The following RASA1 variants were observed in gnomAD, a reference collection of about 807,000 sequenced individuals.
The protein encoded by RASA1 is RAS p21 protein activator 1, also known as ras GTPase-activating protein 1.
A neutral mutation model predicts 132.2 loss-of-function variants in RASA1; 25 were observed. That is an observed-to-expected ratio of 0.19 (90% CI 0.14 to 0.26). The LOEUF is 0.26. Ranked by LOEUF, RASA1 falls within the 10% of genes least tolerant of loss-of-function variation. The pLI is 1.00. For missense variants in RASA1, 964 were observed against 1,299.2 expected (o/e 0.74, Z 3.97); for synonymous variants, 477 against 449.9 (o/e 1.06, Z -0.76).
intron 1 of RASA1, among the ~76,000 whole-genome samples, chr5:87,295,020 A>C (rs1264504112): frequency 1.3e-5 from 2 of 151,778 alleles, no homozygotes; most frequent in Non-Finnish European, 2.9e-5. Context: ...TTTACTCTTC[A>C]TTGTTAGGCA....
chr5:87,382,405 T>C (rs946559505), intron 20 of RASA1, among the ~76,000 whole-genome samples: 3 of 152,246 alleles, frequency 2.0e-5, no homozygotes, highest in Non-Finnish European at 2.9e-5. Flanking sequence ...TATTAATCTA[T>C]AGAAGGAATT....
chr5:87,276,953 C>T (rs1754085397), intron 1 of RASA1, among the ~76,000 whole-genome samples: 3 of 152,010 alleles, frequency 2.0e-5, no homozygotes, highest in East Asian at 1.9e-4. Context: ...GGACAGAATC[C>T]GATTCTCATA....
chr5:87,334,672 C>T (rs1479906915), intron 4 of RASA1, among the ~76,000 whole-genome samples: 1 of 152,144 alleles, frequency 6.6e-6, no homozygotes, highest in Non-Finnish European at 1.5e-5. Flanking sequence ...CAAAAGTGTA[C>T]TGTATTCTTC....
At chr5:87,349,393 A>T (rs1217906560) in intron 8 of RASA1, 29 bp downstream of exon 8, 2 of 1,607,526 alleles carry the variant, frequency 1.2e-6, no homozygotes, top group African/African-American at 2.7e-5. Context: ...GCTATCTTTT[A>T]CTTTTCGCAA....
intron 1 of RASA1, among the ~76,000 whole-genome samples, chr5:87,313,656 CAG>C (rs959526158): frequency 1.3e-5 from 2 of 151,964 alleles, no homozygotes; most frequent in African/African-American, 2.4e-5. Flanking sequence ...ATGGAGAAAA[CAG>C]ATATGAAAAT....
intron 12 of RASA1, among the ~76,000 whole-genome samples, chr5:87,371,352 A>G (rs1760926149): frequency 6.6e-6 from 1 of 152,114 alleles, no homozygotes; most frequent in South Asian, 2.1e-4. Context: ...AGATATTAAT[A>G]AAGTTCAGCT....
chr5:87,369,450 TG>T (rs1456712688), intron 11 of RASA1, among the ~76,000 whole-genome samples: 2 of 152,296 alleles, frequency 1.3e-5, no homozygotes, highest in African/African-American at 4.8e-5. Flanking sequence ...AGAACATTTT[TG>T]GTCTAAGAAC....
intron 1 of RASA1, among the ~76,000 whole-genome samples, chr5:87,282,747 G>T (rs189681331): frequency 1.3e-5 from 2 of 152,022 alleles, no homozygotes; most frequent in East Asian, 3.9e-4. Flanking sequence ...TTTTCTTCCT[G>T]TTGTTCAGAT....
At chr5:87,280,658 G>A (rs544918126) in intron 1 of RASA1, among the ~76,000 whole-genome samples, 1 of 152,150 alleles carries the variant, frequency 6.6e-6, no homozygotes, top group Admixed American at 6.5e-5. Flanking sequence ...ACCTTCTTTG[G>A]TGAAATGTCT....
Position 87,380,491 on chromosome 5 carries a change from A to AT in RASA1, c.2604-16dup. Reference sequence around the variant, plus strand: ...TTCACTTGCTTTCTGTGTTGAGATGATTGTGTTATTTTGGCAGGACATTGA... The same window carrying AT: ...TTCACTTGCTTTCTGTGTTGAGATGATTTGTGTTATTTTGGCAGGACATTGA... On this transcript the variant is annotated splice_polypyrimidine_tract_variant and intron_variant, in intron 19 of 24. Coordinates refer to ENST00000274376, the MANE Select transcript of RASA1 (RefSeq NM_002890.3). The AT allele has an allele frequency of 6.3e-7, 1 of 1,593,198 alleles. No homozygotes were observed. The highest frequency in any genetic ancestry group is 2.2e-5 in the East Asian group (1 of 44,668).
chr5:87,321,253 T>G (rs942064696), intron 1 of RASA1, among the ~76,000 whole-genome samples: 5 of 152,200 alleles, frequency 3.3e-5, no homozygotes, highest in African/African-American at 4.8e-5. Flanking sequence ...TCCTCTGCTC[T>G]TACACCACAA....
At chr5:87,378,612 C>T (rs1028949094) in intron 18 of RASA1, 74 bp downstream of exon 18, 2 of 1,398,806 alleles carry the variant, frequency 1.4e-6, no homozygotes, top group Non-Finnish European at 2.0e-6. Context: ...TAGCCAATTA[C>T]ATTTTAAGGA....
chr5:87,279,098 G>C (rs1455857773), intron 1 of RASA1, among the ~76,000 whole-genome samples: 6 of 151,946 alleles, frequency 3.9e-5, no homozygotes, highest in Non-Finnish European at 8.8e-5. Context: ...ACAAAAATTA[G>C]CTGTTCGTGG....
At chr5:87,380,622 A>G in intron 20 of RASA1, 27 bp downstream of exon 20, 2 of 1,533,808 alleles carry the variant, frequency 1.3e-6, no homozygotes, top group Non-Finnish European at 1.8e-6. Flanking sequence ...GATTTGTTAA[A>G]TCACATACTA....
At chr5:87,293,721 AAGTT>A (rs1755001438) in intron 1 of RASA1, among the ~76,000 whole-genome samples, 3 of 152,060 alleles carry the variant, frequency 2.0e-5, no homozygotes, top group African/African-American at 7.2e-5. Flanking sequence ...CTGTTTCTGA[AAGTT>A]AGTTATTGAT....
intron 9 of RASA1, among the ~76,000 whole-genome samples, chr5:87,360,267 C>A (rs1306832168): frequency 6.6e-6 from 1 of 152,048 alleles, no homozygotes; most frequent in Admixed American, 6.6e-5. Flanking sequence ...GCTGGAATTA[C>A]AGGCACGCGC....
rs374806134 is a variant in RASA1 at position 87,347,148 on chromosome 5, C to G, written c.1102+424C>G. ...CATTACTCTCTTTTATGGATTTAAACTTTTCATTATATAAATACCATAATT... is the reference window on the plus strand; with the variant it reads ...CATTACTCTCTTTTATGGATTTAAAGTTTTCATTATATAAATACCATAATT... On this transcript the variant is annotated intron_variant, in intron 7 of 24. Coordinates refer to ENST00000274376, the MANE Select transcript of RASA1 (RefSeq NM_002890.3). Among the ~76,000 whole-genome samples, 178 of 152,036 alleles carry G rather than the reference C, an allele frequency of 1.2e-3. 1 individual carries two copies. In the South Asian group the frequency reaches 0.018, roughly 15 times the overall value.
Position 87,391,186 on chromosome 5 carries a change from A to AACTTTCAAAATATATTTTCAGTAC in RASA1, c.*306_*329dup. ...GCTATGACTGTATCTTGATATCTCGAACTTTCAAAATATATTTTCAGTACA... is the reference window on the plus strand; with the variant it reads ...GCTATGACTGTATCTTGATATCTCGAACTTTCAAAATATATTTTCAGTACACTTTCAAAATATATTTTCAGTACA... On this transcript the variant is annotated 3_prime_UTR_variant, in exon 25 of 25. Coordinates refer to ENST00000274376, the MANE Select transcript of RASA1 (RefSeq NM_002890.3). 2.0e-6 allele frequency: 1 copy of AACTTTCAAAATATATTTTCAGTAC among 488,216 alleles called. No individual in the cohort carries two copies. Among genetic ancestry groups the AACTTTCAAAATATATTTTCAGTAC allele is most frequent in the South Asian group, 2.6e-5 (1 of 39,058 alleles). 30.2% of individuals were successfully genotyped at this position (488,216 alleles called of 1,614,324 possible).
intron 12 of RASA1, 74 bp from the exon 13 acceptor site, chr5:87,372,044 A>AC: frequency 7.0e-7 from 1 of 1,432,188 alleles, no homozygotes; most frequent in Non-Finnish European, 9.6e-7. Context: ...AATTTGAAAA[A>AC]AAAAACCTAA....
Sources: gnomAD v4.1 joint callset for allele counts (sites outside exome capture counted in the v4.1 genomes callset) on GRCh38, gnomAD v4.1.1 for gene constraint, MANE v1.5 for transcripts, NCBI Gene and HGNC (gene_info 2026-07-23, HGNC 2026-07-21) for gene names.